Variants in SHISA9 observed in about 807,000 individuals in gnomAD.
The protein encoded by SHISA9 is protein shisa-9.
In SHISA9, 13 loss-of-function variants were observed where a neutral mutation model predicts 38.0. The observed-to-expected ratio is 0.34, with a 90% CI of 0.22 to 0.54. The LOEUF (loss-of-function observed/expected upper bound fraction) is 0.54. Among genes scored for constraint, SHISA9 ranks in the 20% least tolerant of loss-of-function variants. The pLI, the probability that SHISA9 is intolerant of heterozygous loss-of-function variation, is 0.91. For missense variants in SHISA9, 538 were observed against 575.8 expected (o/e 0.93, Z 0.67); for synonymous variants, 275 against 242.0 (o/e 1.14, Z -1.27).
chr16:13,438,625 G>A, the SHISA9 span, among the ~76,000 whole-genome samples: 1 of 152,206 alleles, frequency 6.6e-6, no homozygotes, highest in Non-Finnish European at 1.5e-5. Context: ...TCTCAAAAAT[G>A]TATGGGAGTT....
At chr16:13,270,855 T>C in the SHISA9 span, among the ~76,000 whole-genome samples, 1 of 152,124 alleles carries the variant, frequency 6.6e-6, no homozygotes, top group Non-Finnish European at 1.5e-5. Context: ...TAGACTCTGA[T>C]TAGAAGTATA....
chr16:13,027,419 C>A (rs368531819), intron 2 of SHISA9, among the ~76,000 whole-genome samples: 20 of 152,278 alleles, frequency 1.3e-4, no homozygotes, highest in African/African-American at 4.8e-4. Context: ...ACTTAGCATG[C>A]AACCCAGCAA....
At chr16:12,932,503 C>T (rs907716391) in intron 2 of SHISA9, among the ~76,000 whole-genome samples, 3 of 151,894 alleles carry the variant, frequency 2.0e-5, no homozygotes, top group Admixed American at 6.6e-5. Flanking sequence ...CACCATGCCT[C>T]GCTAATTTAG....
At chr16:13,113,917 T>A (rs1226558667) in intron 2 of SHISA9, among the ~76,000 whole-genome samples, 1 of 152,220 alleles carries the variant, frequency 6.6e-6, no homozygotes, top group African/African-American at 2.4e-5. Flanking sequence ...ACTGCCTTCT[T>A]CTGTCACTCC....
chr16:13,364,963 A>T, the SHISA9 span, among the ~76,000 whole-genome samples: 1 of 152,164 alleles, frequency 6.6e-6, no homozygotes, highest in Non-Finnish European at 1.5e-5. Flanking sequence ...TTGCATTTCC[A>T]TTGAGGAGAG....
the SHISA9 span, among the ~76,000 whole-genome samples, chr16:13,491,382 CTT>C: frequency 0.066 from 9,380 of 141,650 alleles, 314 homozygotes; most frequent in Non-Finnish European, 0.076. Context: ...TTTTCAGAGC[CTT>C]TTTTTTTTTT....
intron 2 of SHISA9, among the ~76,000 whole-genome samples, chr16:13,127,741 G>A (rs1294198903): frequency 6.6e-6 from 1 of 152,132 alleles, no homozygotes; most frequent in Non-Finnish European, 1.5e-5. Context: ...CCCCTTGTCT[G>A]TGAAATGGGC....
At chr16:13,399,200 T>A in the SHISA9 span, among the ~76,000 whole-genome samples, 1 of 151,646 alleles carries the variant, frequency 6.6e-6, no homozygotes, top group Non-Finnish European at 1.5e-5. Flanking sequence ...TGCAGTGGGC[T>A]GAGGTCACAC....
chr16:13,525,529 A>G, the SHISA9 span, among the ~76,000 whole-genome samples: 196 of 152,354 alleles, frequency 1.3e-3, no homozygotes, highest in Non-Finnish European at 2.5e-3. Flanking sequence ...TGGCTCAAAG[A>G]AATAATGAAA....
chr16:13,526,164 C>A, the SHISA9 span, among the ~76,000 whole-genome samples: 2 of 152,318 alleles, frequency 1.3e-5, no homozygotes, highest in African/African-American at 4.8e-5. Context: ...TTAACACTAA[C>A]AAGATCCACC....
intron 2 of SHISA9, among the ~76,000 whole-genome samples, chr16:12,952,104 A>G (rs1050805825): frequency 1.3e-5 from 2 of 152,194 alleles, no homozygotes; most frequent in Non-Finnish European, 2.9e-5. Flanking sequence ...ATGCAGACGT[A>G]AACATGGAAT....
the SHISA9 span, among the ~76,000 whole-genome samples, chr16:13,443,263 G>T: frequency 2.0e-5 from 3 of 152,204 alleles, no homozygotes; most frequent in East Asian, 5.8e-4. Context: ...GGGAAATGAA[G>T]AAATTCTAAC....
the SHISA9 span, among the ~76,000 whole-genome samples, chr16:13,519,808 C>T: frequency 1.3e-5 from 2 of 152,238 alleles, no homozygotes; most frequent in African/African-American, 2.4e-5. Flanking sequence ...TGAGAACTCA[C>T]TCATTATCAT....
At chr16:13,200,623 G>T (rs1374630280) in intron 2 of SHISA9, among the ~76,000 whole-genome samples, 1 of 80,408 alleles carries the variant, frequency 1.2e-5, no homozygotes, top group Admixed American at 1.1e-4. Flanking sequence ...AAGGTGTGGT[G>T]AAAGCCATAC....
the SHISA9 span, among the ~76,000 whole-genome samples, chr16:13,374,900 A>C: frequency 1.3e-5 from 2 of 152,144 alleles, no homozygotes; most frequent in African/African-American, 4.8e-5. Context: ...TTTGAGTTGC[A>C]TTTCTCTGAT....
intron 2 of SHISA9, among the ~76,000 whole-genome samples, chr16:13,169,600 G>A (rs1449702823): frequency 1.3e-5 from 2 of 152,144 alleles, no homozygotes. Flanking sequence ...AAAACACTAG[G>A]CAGCTGATGT....
At chr16:13,365,905 T>A in the SHISA9 span, among the ~76,000 whole-genome samples, 5 of 152,090 alleles carry the variant, frequency 3.3e-5, no homozygotes, top group African/African-American at 1.2e-4. Flanking sequence ...TTTGAACCTT[T>A]GAAAAAAATT....
chr16:13,343,341 CT>C, the SHISA9 span, among the ~76,000 whole-genome samples: 99 of 152,236 alleles, frequency 6.5e-4, no homozygotes, highest in East Asian at 0.018. Flanking sequence ...TCTTACATAC[CT>C]TTTCTTTCAT....
chr16:13,208,584 C>G (rs1347864756), intron 3 of SHISA9, among the ~76,000 whole-genome samples: 2 of 151,956 alleles, frequency 1.3e-5, no homozygotes, highest in Non-Finnish European at 2.9e-5. Context: ...ACCACCTAGT[C>G]ATACATGGCA....
Sources: allele counts gnomAD v4.1 joint callset (sites outside exome capture counted in the v4.1 genomes callset), GRCh38; gene constraint gnomAD v4.1.1; transcripts MANE v1.5; gene names NCBI Gene and HGNC (gene_info 2026-07-23, HGNC 2026-07-21).